The following HCRTR2 variants were observed in gnomAD, a reference collection of about 807,000 sequenced individuals.
HCRTR2 encodes the protein hypocretin receptor 2.
A neutral mutation model predicts 49.0 loss-of-function variants in HCRTR2; 22 were observed. The ratio of observed to expected loss-of-function variants is 0.45; its 90% CI spans 0.32 to 0.64. The LOEUF is 0.64. Among genes scored for constraint, HCRTR2 ranks in the 30% least tolerant of loss-of-function variants. The pLI is 0.04. For synonymous variants in HCRTR2, 236 were observed against 205.3 expected (o/e 1.15, Z -1.28); for missense variants, 491 against 559.4 (o/e 0.88, Z 1.23).
chr6:55,112,943 G>T (rs1017161140), intron 1 of HCRTR2, among the ~76,000 whole-genome samples: 16 of 151,946 alleles, frequency 1.1e-4, no homozygotes, highest in African/African-American at 3.4e-4. Flanking sequence ...ATAGACCAAG[G>T]GAGCAGAACA....
intron 1 of HCRTR2, among the ~76,000 whole-genome samples, chr6:55,125,899 A>C (rs1326488712): frequency 6.6e-6 from 1 of 151,522 alleles, no homozygotes; most frequent in Admixed American, 6.6e-5. Context: ...CTTCCACTTG[A>C]TCGATTCAGC....
chr6:55,160,878 A>G (rs1041988839), intron 1 of HCRTR2, among the ~76,000 whole-genome samples: 10 of 152,152 alleles, frequency 6.6e-5, no homozygotes, highest in East Asian at 3.8e-4. Flanking sequence ...CCACGTAATA[A>G]TAGTGGGAGA....
At chr6:55,209,186 A>T (rs1258635017) in intron 1 of HCRTR2, among the ~76,000 whole-genome samples, 2 of 152,164 alleles carry the variant, frequency 1.3e-5, no homozygotes, top group African/African-American at 4.8e-5. Context: ...AGGAGACATG[A>T]TTTAATCTCT....
intron 1 of HCRTR2, among the ~76,000 whole-genome samples, chr6:55,135,834 C>A (rs994177802): frequency 2.0e-5 from 3 of 152,132 alleles, no homozygotes; most frequent in African/African-American, 7.2e-5. Context: ...TAACCACAAC[C>A]TAGAGGGTCT....
intron 1 of HCRTR2, among the ~76,000 whole-genome samples, chr6:55,242,094 T>C (rs1277634149): frequency 1.3e-5 from 2 of 151,964 alleles, no homozygotes; most frequent in African/African-American, 2.4e-5. Flanking sequence ...GGTCTCGAAC[T>C]CCTGATCTCA....
intron 1 of HCRTR2, among the ~76,000 whole-genome samples, chr6:55,139,902 T>C (rs926623391): frequency 1.2e-4 from 19 of 152,186 alleles, no homozygotes; most frequent in African/African-American, 4.1e-4. Context: ...TTCCTTGAAA[T>C]TCAAGAGGCA....
At chr6:55,186,954 G>A (rs531017121) in intron 1 of HCRTR2, among the ~76,000 whole-genome samples, 11 of 152,102 alleles carry the variant, frequency 7.2e-5, no homozygotes, top group East Asian at 1.9e-4. Context: ...TTCAGGTGGC[G>A]CACAAAACCA....
At chr6:55,205,839 C>A (rs180927046) in intron 1 of HCRTR2, among the ~76,000 whole-genome samples, 48 of 152,068 alleles carry the variant, frequency 3.2e-4, no homozygotes, top group African/African-American at 1.0e-3. Context: ...CCTGGTATAA[C>A]GCAACTCTAT....
chr6:55,214,982 A>G (rs1463708949), intron 1 of HCRTR2, among the ~76,000 whole-genome samples: 1 of 152,088 alleles, frequency 6.6e-6, no homozygotes, highest in Non-Finnish European at 1.5e-5. Flanking sequence ...AGAGTTTTAG[A>G]AGAAAAGGAC....
Position 55,221,739 on chromosome 6 carries a change from A to G in HCRTR2, c.224-26900A>G, listed in dbSNP as rs536075739. 1.8e-4 allele frequency among the ~76,000 whole-genome samples: 27 copies of G among 151,882 alleles called. 1 individual carries two copies. The South Asian group carries it at 4.4e-3, about 25-fold the overall frequency. On this transcript the variant is annotated intron_variant, in intron 1 of 6. Coordinates refer to ENST00000370862, the MANE Select transcript of HCRTR2 (RefSeq NM_001384272.1). ...GAGGCAGGAGAATGGCGTGAACCTC[A>G]GAGGCAGAGCTTGCAGTGAGGTGAG...
At chr6:55,124,407 C>T (rs897202152) in intron 1 of HCRTR2, among the ~76,000 whole-genome samples, 4 of 152,176 alleles carry the variant, frequency 2.6e-5, no homozygotes, top group African/African-American at 9.6e-5. Flanking sequence ...TGTTCAGTTT[C>T]CATGCAGTTG....
At chr6:55,182,321 T>C (rs932486285) in intron 1 of HCRTR2, among the ~76,000 whole-genome samples, 34 of 152,202 alleles carry the variant, frequency 2.2e-4, no homozygotes, top group Admixed American at 1.6e-3. Flanking sequence ...CAACAGCTCA[T>C]AGCAGCAGTG....
intron 1 of HCRTR2, among the ~76,000 whole-genome samples, chr6:55,148,609 G>A (rs1764625258): frequency 6.6e-6 from 1 of 152,122 alleles, no homozygotes; most frequent in African/African-American, 2.4e-5. Flanking sequence ...TCTGGGATGT[G>A]TTGGGAAGCC....
chr6:55,155,659 A>C (rs1027832624), intron 1 of HCRTR2, among the ~76,000 whole-genome samples: 1 of 152,060 alleles, frequency 6.6e-6, no homozygotes, highest in Non-Finnish European at 1.5e-5. Flanking sequence ...GGCGGTAGTT[A>C]GACATTTTCT....
At chr6:55,188,368 A>G (rs1765260937) in intron 1 of HCRTR2, among the ~76,000 whole-genome samples, 1 of 152,218 alleles carries the variant, frequency 6.6e-6, no homozygotes, top group Non-Finnish European at 1.5e-5. Flanking sequence ...ATCTCTTTGT[A>G]AACAGGAGTT....
chr6:55,170,241 A>ATATTTATTTTGTATATATAAATATATTG (rs1233407783), upstream of HCRTR2, among the ~76,000 whole-genome samples: 2 of 148,920 alleles, frequency 1.3e-5, no homozygotes, highest in Non-Finnish European at 3.0e-5. Context: ...CTTATACAAT[A>ATATTTATTTTGTATATATAAATATATTG]TATTTATTTT....
At chr6:55,255,970 C>G (rs982910586) in intron 3 of HCRTR2, among the ~76,000 whole-genome samples, 1 of 152,144 alleles carries the variant, frequency 6.6e-6, no homozygotes, top group African/African-American at 2.4e-5. Context: ...AATTATGAAT[C>G]AATCTGGTTT....
intron 1 of HCRTR2, among the ~76,000 whole-genome samples, chr6:55,225,676 T>A (rs993775632): frequency 5.3e-5 from 8 of 152,340 alleles, no homozygotes; most frequent in Admixed American, 5.2e-4. Flanking sequence ...TCCATATACA[T>A]AAACTAATAT....
At chr6:55,150,935 T>G (rs564888507) in intron 1 of HCRTR2, among the ~76,000 whole-genome samples, 21 of 152,168 alleles carry the variant, frequency 1.4e-4, no homozygotes, top group Admixed American at 1.3e-3. Flanking sequence ...CACAAATGTT[T>G]TGGTTTTCCT....
Sources: allele counts gnomAD v4.1 joint callset (sites outside exome capture counted in the v4.1 genomes callset), GRCh38; gene constraint gnomAD v4.1.1; transcripts MANE v1.5; gene names NCBI Gene and HGNC (gene_info 2026-07-23, HGNC 2026-07-21).